The following UTP6 variants were observed in gnomAD, a reference collection of about 807,000 sequenced individuals.
UTP6 encodes U3 small nucleolar RNA-associated protein 6 homolog.
Under a neutral mutation model 96.5 loss-of-function variants are expected in UTP6, and 60 were observed. That is an observed-to-expected ratio of 0.62 (90% CI 0.51 to 0.77). The LOEUF (loss-of-function observed/expected upper bound fraction) is 0.77, where lower values mean the gene tolerates loss of function less well. UTP6 is among the 30% of genes least tolerant of loss of function. UTP6 has a pLI of 0.00. For missense variants in UTP6, 637 were observed against 706.5 expected (o/e 0.90, Z 1.12); for synonymous variants, 215 against 240.1 (o/e 0.90, Z 0.96).
rs1909601873 is a variant in UTP6 at position 31,862,772 on chromosome 17, ATG to A, written c.*585_*586del. 1 of 152,138 alleles carries A rather than the reference ATG, an allele frequency of 6.6e-6. No homozygotes were observed. The highest frequency in any genetic ancestry group is 1.5e-5 in the Non-Finnish European group (1 of 68,118). 9.4% of individuals were successfully genotyped at this position (152,138 alleles called of 1,614,324 possible). A position where few individuals can be genotyped will look rare whatever the true frequency, so the allele number is the denominator to read the frequency against. ...TTTTTAGTAGAGACGGGGTTTCACCATGTTGGCCAGGCTAGTCTCAAACTCCT... is the reference window on the plus strand; with the variant it reads ...TTTTTAGTAGAGACGGGGTTTCACCATTGGCCAGGCTAGTCTCAAACTCCT... On this transcript the variant is annotated 3_prime_UTR_variant, in exon 19 of 19. Transcript: ENST00000261708.
intron 7 of UTP6, chr17:31,887,613 A>C: frequency 4.5e-6 from 1 of 219,942 alleles, no homozygotes; most frequent in Non-Finnish European, 9.0e-6. Context: ...CAGCCTCCCA[A>C]AGTGCTGGGA....
At chr17:31,894,902 T>C in intron 3 of UTP6, 68 bp downstream of exon 3, 1 of 1,402,384 alleles carries the variant, frequency 7.1e-7, no homozygotes, top group Non-Finnish European at 1.0e-6. Flanking sequence ...CAAACACAAG[T>C]CCTAACTATA....
intron 16 of UTP6, among the ~76,000 whole-genome samples, chr17:31,868,777 A>G (rs1284452633): frequency 6.6e-6 from 1 of 152,200 alleles, no homozygotes; most frequent in African/African-American, 2.4e-5. Context: ...ATATTTGTGC[A>G]GAAATATTCA....
rs775392793 is a variant in UTP6 at position 31,894,705 on chromosome 17, A to G, written c.252T>C (p.Ile84=). ...RIGYSFKKDE[I]ENSIVHRVQG... is the part of the protein sequence containing the mutation. ...GTACCCGGTGTACAATAGAATTCTC[A>G]ATCTCATCCTTCTTAAATGAATATC... The change falls in exon 4 of 19, where the codon ATT becomes ATC. Residue 84 remains isoleucine (I), a synonymous_variant. Coordinates refer to ENST00000261708, the MANE Select transcript of UTP6 (RefSeq NM_018428.3). 2.5e-6 allele frequency: 4 copies of G among 1,611,590 alleles called. No individual in the cohort carries two copies. Among genetic ancestry groups the G allele is most frequent in the Non-Finnish European group, 3.4e-6 (4 of 1,178,772 alleles).
chr17:31,880,702 G>T lies in UTP6; in HGVS notation c.838C>A (p.Arg280=), dbSNP rs779965805. Residue 280 remains arginine, a synonymous_variant, in exon 11 of 19, where the codon CGA becomes AGA. Coordinates refer to ENST00000261708, the MANE Select transcript of UTP6 (RefSeq NM_018428.3). ...GTCTGTGACTCAATCTCTAATTCTC[G>T]CCTTGCCACATAATCCCAAGTGAGA... ...DPLTWDYVAR[R]ELEIESQTEE... The T allele has an allele frequency of 1.9e-6, 3 of 1,613,986 alleles. No homozygotes were observed. The highest frequency in any genetic ancestry group is 3.3e-5 in the Admixed American group (2 of 59,974).
intron 1 of UTP6, 30 bp from the exon 2 acceptor site, chr17:31,899,760 G>C (rs1904864496): frequency 6.8e-7 from 1 of 1,459,914 alleles, no homozygotes; most frequent in East Asian, 2.4e-5. Flanking sequence ...AACTTCACTT[G>C]AAAACTGCAA....
intron 4 of UTP6, 48 bp from the exon 5 acceptor site, chr17:31,892,842 A>G (rs1567792082): frequency 6.2e-7 from 1 of 1,608,828 alleles, no homozygotes; most frequent in Non-Finnish European, 8.5e-7. Flanking sequence ...ACCTTTACAT[A>G]TAATACACCT....
intron 2 of UTP6, among the ~76,000 whole-genome samples, 196 bp downstream of exon 2, chr17:31,899,450 G>A (rs1473516213): frequency 6.6e-6 from 1 of 152,022 alleles, no homozygotes; most frequent in Non-Finnish European, 1.5e-5. Flanking sequence ...GCCAGGCATG[G>A]TGGCATGCAT....
intron 2 of UTP6, 106 bp downstream of exon 2, chr17:31,899,540 C>A (rs1161832246): frequency 6.9e-6 from 5 of 721,096 alleles, no homozygotes; most frequent in African/African-American, 3.7e-5. Flanking sequence ...GAGCAGAGAT[C>A]ACACCATTCA....
At chr17:31,890,832 C>T (rs1395353987) in intron 6 of UTP6, among the ~76,000 whole-genome samples, 1 of 144,910 alleles carries the variant, frequency 6.9e-6, no homozygotes, top group Non-Finnish European at 1.5e-5. Flanking sequence ...ACTAAAAATA[C>T]AAAAATTAGC....
intron 7 of UTP6, 89 bp from the exon 8 acceptor site, chr17:31,887,402 T>G: frequency 1.9e-6 from 2 of 1,040,784 alleles, no homozygotes; most frequent in Non-Finnish European, 1.5e-6. Context: ...CAAGCTGGAG[T>G]GCACTGGTGA....
At chr17:31,868,371 C>A (rs1298494161) in intron 16 of UTP6, among the ~76,000 whole-genome samples, 2 of 129,924 alleles carry the variant, frequency 1.5e-5, no homozygotes, top group African/African-American at 5.6e-5. Context: ...ACTTTGTCAC[C>A]CAGGCTGGAG....
intron 14 of UTP6, chr17:31,874,293 TC>T (rs34197641): frequency 0.76 from 115,732 of 152,476 alleles, 44,393 homozygotes; most frequent in East Asian, 0.84. Context: ...ACATTTGCAA[TC>T]CCAGCACTTT....
chr17:31,899,328 C>T (rs997103690), intron 2 of UTP6, among the ~76,000 whole-genome samples: 6 of 152,094 alleles, frequency 3.9e-5, no homozygotes, highest in African/African-American at 4.8e-5. Context: ...AATTATTGGC[C>T]GGGCACTGTG....
chr17:31,876,511 G>C (rs1910510478), intron 13 of UTP6, among the ~76,000 whole-genome samples: 1 of 151,566 alleles, frequency 6.6e-6, no homozygotes, highest in Admixed American at 6.6e-5. Context: ...AGGCGTGGTG[G>C]TGCATGCTTG....
chr17:31,895,127 T>C (rs1261527839), intron 2 of UTP6, 116 bp from the exon 3 acceptor site: 3 of 760,852 alleles, frequency 3.9e-6, no homozygotes, highest in Non-Finnish European at 4.1e-6. Flanking sequence ...TAAAAAATAA[T>C]GTGCTATCAC....
chr17:31,884,022 T>TG (rs2142309559), intron 10 of UTP6, among the ~76,000 whole-genome samples: 1 of 142,972 alleles, frequency 7.0e-6, no homozygotes, highest in East Asian at 2.0e-4. Flanking sequence ...TTTTTTGAGA[T>TG]GGAGTTTTGC....
At chr17:31,868,324 G>GTTTTTTTT (rs1567776595) in intron 16 of UTP6, among the ~76,000 whole-genome samples, 9 of 58,818 alleles carry the variant, frequency 1.5e-4, no homozygotes, top group African/African-American at 4.0e-4. Context: ...TTAGTTTTTT[G>GTTTTTTTT]GTTTTTTTTT....
At position 31,887,084 on chromosome 17, in the gene UTP6, C is replaced by T. The variant is rs186278863; in HGVS notation, c.621+152G>A. The T allele has an allele frequency of 3.3e-5, 20 of 597,942 alleles. No homozygotes were observed. In the African/African-American group the frequency reaches 3.7e-4, roughly 11 times the overall value. The allele number at this position is 597,942 out of a possible 1,614,324, so 37.0% of individuals were successfully genotyped here. ...GTTGCAGTGAGCCAAGATGGTGCCA[C>T]TGCACTCCAGCCTGTGTGACAGACC... On this transcript the variant is annotated intron_variant, in intron 8 of 18. Coordinates refer to ENST00000261708, the MANE Select transcript of UTP6 (RefSeq NM_018428.3).
Sources: allele counts gnomAD v4.1 joint callset (sites outside exome capture counted in the v4.1 genomes callset), GRCh38; gene constraint gnomAD v4.1.1; transcripts MANE v1.5; gene names NCBI Gene and HGNC (gene_info 2026-07-23, HGNC 2026-07-21).